SCO1: variants seen among roughly 807,000 people sequenced by gnomAD.
SCO1 encodes synthesis of cytochrome C oxidase 1.
SCO1 carries 23 observed loss-of-function variants against 34.0 expected under a neutral mutation model. The observed-to-expected ratio is 0.68, with a 90% CI of 0.49 to 0.96. SCO1 has a LOEUF of 0.96. Ranked by LOEUF, SCO1 falls within the 40% of genes least tolerant of loss-of-function variation. The pLI is 0.00. For missense variants in SCO1, 404 were observed against 381.6 expected, an observed-to-expected ratio of 1.06 and a Z score of -0.49; for synonymous variants, 161 against 145.5, an observed-to-expected ratio of 1.11 and a Z score of -0.77.
In SCO1 at chr17:10,679,961, C is replaced by CGGG. The variant is rs56997903; in HGVS notation, c.*1155_*1157dup. ...AAAAAATCTTCTGTAGAGATGGGGG[C>CGGG]GGGGGGGGGGGGTCTCACTATGTTG... On this transcript the variant is annotated 3_prime_UTR_variant, in exon 6 of 6. Coordinates refer to ENST00000255390, the MANE Select transcript of SCO1 (RefSeq NM_004589.4). The CGGG allele has an allele frequency of 4.5e-4, 21 of 46,854 alleles. No individual in the cohort carries two copies. The highest frequency in any genetic ancestry group is 1.4e-3 in the African/African-American group (17 of 11,846). The allele number at this position is 46,854 out of a possible 1,614,324, so 2.9% of individuals were successfully genotyped here.
chr17:10,673,932 A>G lies in SCO1; in HGVS notation c.*7187T>C, dbSNP rs1470401366. On this transcript the variant is annotated 3_prime_UTR_variant, in exon 6 of 6. Coordinates refer to ENST00000255390, the MANE Select transcript of SCO1 (RefSeq NM_004589.4). Reference sequence around the variant, plus strand: ...AAAATGGAATTTGTTTATTTGAGAGACTCTTCAAATTGTGTTTCATGGGAG... The same window carrying G: ...AAAATGGAATTTGTTTATTTGAGAGGCTCTTCAAATTGTGTTTCATGGGAG... 1 of 152,104 alleles carries G rather than the reference A, an allele frequency of 6.6e-6. No individual in the cohort carries two copies. Among genetic ancestry groups the G allele is most frequent in the Admixed American group, 6.6e-5 (1 of 15,260 alleles). The allele number at this position is 152,104 out of a possible 1,614,324, so 9.4% of individuals were successfully genotyped here. A position where few individuals can be genotyped will look rare whatever the true frequency, so the allele number is the denominator to read the frequency against.
At chr17:10,696,215 CG>C (rs919911810) in intron 1 of SCO1, among the ~76,000 whole-genome samples, 27 of 151,604 alleles carry the variant, frequency 1.8e-4, no homozygotes, top group African/African-American at 6.5e-4. Context: ...GAGGCGGAGG[CG>C]GGTGGATCAC....
chr17:10,686,219 C>A (rs1457494419), intron 5 of SCO1, among the ~76,000 whole-genome samples: 3 of 148,304 alleles, frequency 2.0e-5, no homozygotes, highest in Middle Eastern at 3.9e-3. Context: ...TCCAGCCTGG[C>A]TGACGGAGTG....
At chr17:10,686,881 C>T in intron 4 of SCO1, 39 bp from the exon 5 acceptor site, 2 of 1,351,966 alleles carry the variant, frequency 1.5e-6, no homozygotes, top group South Asian at 1.2e-5. Flanking sequence ...AAATGAGAAG[C>T]CAGTAAAACA....
In SCO1 at chr17:10,697,468, G is replaced by A; in HGVS notation, c.40C>T (p.Pro14Ser). ...LVLVPGRVMR[P>S]LGGQLWRFLP... is the part of the protein sequence containing the mutation. ...AAGCGCCAAAGTTGGCCACCCAGAG[G>A]CCGCATAACTCGTCCGGGTACTAGG... The change falls in exon 1 of 6, where the codon CCT becomes TCT. Residue 14 changes from proline (P) to serine (S), a missense_variant. By Grantham distance (74) the Pro-to-Ser change is moderately conservative (BLOSUM62 -1). Coordinates refer to ENST00000255390, the MANE Select transcript of SCO1 (RefSeq NM_004589.4). 6.2e-7 allele frequency: 1 copy of A among 1,613,468 alleles called. No individual in the cohort carries two copies. The highest frequency in any genetic ancestry group is 8.5e-7 in the Non-Finnish European group (1 of 1,179,920).
chr17:10,673,976 T>G lies in SCO1; in HGVS notation c.*7143A>C, dbSNP rs1471021816. ...ATGGGAGCGAAATTAAATAAAGAGC[T>G]TCCTGGAGGGGGAAAGATTACTTAA... On this transcript the variant is annotated 3_prime_UTR_variant, in exon 6 of 6. Coordinates refer to ENST00000255390, the MANE Select transcript of SCO1 (RefSeq NM_004589.4). 1 of 152,230 alleles carries G rather than the reference T, an allele frequency of 6.6e-6. No homozygotes were observed. The highest frequency in any genetic ancestry group is 1.5e-5 in the Non-Finnish European group (1 of 68,042). The allele number at this position is 152,230 out of a possible 1,614,324, so 9.4% of individuals were successfully genotyped here.
intron 4 of SCO1, 61 bp downstream of exon 4, chr17:10,691,811 T>A: frequency 9.5e-7 from 1 of 1,056,458 alleles, no homozygotes; most frequent in Admixed American, 1.8e-5. Flanking sequence ...AAGGTTCAAA[T>A]GAACTGATAT....
chr17:10,688,842 C>T (rs1406698028), intron 4 of SCO1, among the ~76,000 whole-genome samples: 2 of 140,992 alleles, frequency 1.4e-5, no homozygotes, highest in South Asian at 2.1e-4. Flanking sequence ...GCAGGCCGGG[C>T]GCGGTGGCTC....
At position 10,692,933 on chromosome 17, in the gene SCO1, G is replaced by T. The variant is rs778406995; in HGVS notation, c.393C>A (p.Ile131=). 4.3e-6 allele frequency: 7 copies of T among 1,613,954 alleles called. No individual in the cohort carries two copies. The highest frequency in any genetic ancestry group is 5.9e-6 in the Non-Finnish European group (7 of 1,180,016). ...EKLEKERQRH[I]GKPLLGGPFS... ...ACGGTCCCCCAAGTAAAGGCTTGCC[G>T]ATGTGTCGCTGCCGTTCCTTCTCTA... Residue 131 remains isoleucine, a synonymous_variant, in exon 3 of 6, where the codon ATC becomes ATA. Coordinates refer to ENST00000255390, the MANE Select transcript of SCO1 (RefSeq NM_004589.4).
intron 4 of SCO1, among the ~76,000 whole-genome samples, chr17:10,690,919 G>A (rs1355348681): frequency 6.6e-6 from 1 of 152,122 alleles, no homozygotes; most frequent in African/African-American, 2.4e-5. Flanking sequence ...CTATTAATAT[G>A]TTAAATGAAA....
In SCO1 at chr17:10,697,517, A is replaced by C. The variant is rs1291013008; in HGVS notation, c.-10T>G. 3 of 1,613,112 alleles carry C rather than the reference A, an allele frequency of 1.9e-6. No individual in the cohort carries two copies. Among genetic ancestry groups the C allele is most frequent in the South Asian group, 1.1e-5 (1 of 90,990 alleles). On this transcript the variant is annotated 5_prime_UTR_variant, in exon 1 of 6. Coordinates refer to ENST00000255390, the MANE Select transcript of SCO1 (RefSeq NM_004589.4). ...GGACCAGCATCGCCATGAGCCTCGGAGACCGGGTCTCCTTTGACCCTCCCC... is the reference window on the plus strand; with the variant it reads ...GGACCAGCATCGCCATGAGCCTCGGCGACCGGGTCTCCTTTGACCCTCCCC...
Position 10,697,493 on chromosome 17 carries a change from G to A in SCO1, c.15C>T (p.Val5=), listed in dbSNP as rs780334801. 50 of 1,613,440 alleles carry A rather than the reference G, an allele frequency of 3.1e-5. No homozygotes were observed. In the East Asian group the frequency reaches 6.9e-4, roughly 22 times the overall value. MAML[V]LVPGRVMRPL... is the part of the protein sequence containing the mutation. ...GCCGCATAACTCGTCCGGGTACTAG[G>A]ACCAGCATCGCCATGAGCCTCGGAG... Residue 5 remains valine, a synonymous_variant, in exon 1 of 6, where the codon GTC becomes GTT. Transcript: ENST00000255390.
rs888040641 is a variant in SCO1 at position 10,680,757 on chromosome 17, C to G, written c.*362G>C. On this transcript the variant is annotated 3_prime_UTR_variant, in exon 6 of 6. Transcript: ENST00000255390. ...GTCCCACAGCTATTTGAGCAAGGGCCCAAGACGATGGAGAGGCGGCAAAGC... is the reference window on the plus strand; with the variant it reads ...GTCCCACAGCTATTTGAGCAAGGGCGCAAGACGATGGAGAGGCGGCAAAGC... 2 of 350,330 alleles carry G rather than the reference C, an allele frequency of 5.7e-6. No individual in the cohort carries two copies. The highest frequency in any genetic ancestry group is 4.2e-5 in the African/African-American group (2 of 47,650). The allele number at this position is 350,330 out of a possible 1,614,324, so 21.7% of individuals were successfully genotyped here.
At chr17:10,682,974 A>G (rs557681349) in intron 5 of SCO1, among the ~76,000 whole-genome samples, 1 of 152,350 alleles carries the variant, frequency 6.6e-6, no homozygotes, top group African/African-American at 2.4e-5. Context: ...TCTAGCTCCA[A>G]TTCTAATGGA....
At chr17:10,681,882 A>G (rs2074624049) in intron 5 of SCO1, among the ~76,000 whole-genome samples, 1 of 152,226 alleles carries the variant, frequency 6.6e-6, no homozygotes, top group Non-Finnish European at 1.5e-5. Context: ...TAGTAATTCA[A>G]ACAGAAACAG....
chr17:10,673,606 A>G lies in SCO1; in HGVS notation c.*7513T>C, dbSNP rs2074561367. 1 of 151,158 alleles carries G rather than the reference A, an allele frequency of 6.6e-6. No individual in the cohort carries two copies. Among genetic ancestry groups the G allele is most frequent in the African/African-American group, 2.5e-5 (1 of 40,390 alleles). 9.4% of individuals were successfully genotyped at this position (151,158 alleles called of 1,614,324 possible). A position where few individuals can be genotyped will look rare whatever the true frequency, so the allele number is the denominator to read the frequency against. On this transcript the variant is annotated 3_prime_UTR_variant, in exon 6 of 6. Coordinates refer to ENST00000255390, the MANE Select transcript of SCO1 (RefSeq NM_004589.4). ...TGGGCTGACAGGGAAGCAGGCAGTTAGTCTCTCAGTCTATTGCATCAGTGG... is the reference window on the plus strand; with the variant it reads ...TGGGCTGACAGGGAAGCAGGCAGTTGGTCTCTCAGTCTATTGCATCAGTGG...
rs1362046015 is a variant in SCO1 at position 10,697,005 on chromosome 17, C to T, written c.273+230G>A. Among the ~76,000 whole-genome samples the T allele has an allele frequency of 4.0e-5, 6 of 150,466 alleles. No individual in the cohort carries two copies. In the East Asian group the frequency reaches 9.8e-4, roughly 25 times the overall value. On this transcript the variant is annotated intron_variant, in intron 1 of 5. Transcript: ENST00000255390. ...TAACATAAAATCCAAGTCGGGGCAT[C>T]CAGCCACGTGGAGAGGGTGTAAAGT...
At chr17:10,695,238 T>C (rs2074714169) in intron 2 of SCO1, among the ~76,000 whole-genome samples, 1 of 152,164 alleles carries the variant, frequency 6.6e-6, no homozygotes, top group African/African-American at 2.4e-5. Flanking sequence ...TTGCTTTTGC[T>C]CTCACAACAT....
chr17:10,695,719 G>C (rs978247266), intron 2 of SCO1, 22 bp downstream of exon 2: 2 of 1,513,912 alleles, frequency 1.3e-6, no homozygotes, highest in African/African-American at 2.7e-5. Context: ...ATACAGGGCT[G>C]AGCAGATGAT....
Sources: gnomAD v4.1 joint callset for allele counts (sites outside exome capture counted in the v4.1 genomes callset) on GRCh38, gnomAD v4.1.1 for gene constraint, MANE v1.5 for transcripts, NCBI Gene and HGNC (gene_info 2026-07-23, HGNC 2026-07-21) for gene names.